The following ADAMTS12 variants were observed in gnomAD, a reference collection of about 807,000 sequenced individuals.
ADAMTS12 encodes A disintegrin and metalloproteinase with thrombospondin motifs 12.
A neutral mutation model predicts 167.8 loss-of-function variants in ADAMTS12; 118 were observed. That is an observed-to-expected ratio of 0.70 (90% CI 0.61 to 0.82). The LOEUF (loss-of-function observed/expected upper bound fraction) is 0.82, where lower values mean the gene tolerates loss of function less well. ADAMTS12 is among the 40% of genes least tolerant of loss of function. The pLI, the probability that ADAMTS12 is intolerant of heterozygous loss-of-function variation, is 0.00. For missense variants in ADAMTS12, 1,916 were observed against 1,998.8 expected, an observed-to-expected ratio of 0.96 and a Z score of 0.79; for synonymous variants, 704 against 716.9, an observed-to-expected ratio of 0.98 and a Z score of 0.29.
At chr5:33,579,946 G>A (rs543119993) in intron 18 of ADAMTS12, among the ~76,000 whole-genome samples, 2 of 152,338 alleles carry the variant, frequency 1.3e-5, no homozygotes, top group African/African-American at 2.4e-5. Context: ...GAGGTGTGAC[G>A]TGAGCAGCTG....
chr5:33,819,693 T>C (rs1579963038), intron 2 of ADAMTS12, among the ~76,000 whole-genome samples: 3 of 152,154 alleles, frequency 2.0e-5, no homozygotes, highest in Non-Finnish European at 4.4e-5. Flanking sequence ...GCATGGACAT[T>C]ATAAACGATC....
rs183782346 is a variant in ADAMTS12 at position 33,809,282 on chromosome 5, C to A, written c.490-57734G>T. ...GATTCTGGTGCTGCCGGTCCTTGGACCACAGTTTGAGTAGCAAGAGTTTAG... is the reference window on the plus strand; with the variant it reads ...GATTCTGGTGCTGCCGGTCCTTGGAACACAGTTTGAGTAGCAAGAGTTTAG... On this transcript the variant is annotated intron_variant, in intron 2 of 23. Transcript: ENST00000504830. Among the ~76,000 whole-genome samples the A allele has an allele frequency of 1.3e-4, 20 of 152,280 alleles. No individual in the cohort carries two copies. In the East Asian group the frequency reaches 3.9e-3, roughly 29 times the overall value.
chr5:33,583,748 A>G (rs1035293583), intron 18 of ADAMTS12, among the ~76,000 whole-genome samples: 3 of 152,176 alleles, frequency 2.0e-5, no homozygotes, highest in Non-Finnish European at 4.4e-5. Flanking sequence ...GATCAACGAT[A>G]TTGAGCACCT....
intron 2 of ADAMTS12, among the ~76,000 whole-genome samples, chr5:33,808,201 A>T (rs1432250000): frequency 2.0e-5 from 3 of 152,210 alleles, no homozygotes; most frequent in African/African-American, 7.2e-5. Context: ...ACACTAGTGC[A>T]GTTTTCTGAA....
chr5:33,617,786 C>T (rs1357167378), intron 14 of ADAMTS12, among the ~76,000 whole-genome samples: 2 of 148,854 alleles, frequency 1.3e-5, no homozygotes, highest in Non-Finnish European at 3.0e-5. Context: ...AAATAAAAAC[C>T]TAAATAGAAA....
At chr5:33,877,715 G>C (rs1299412365) in intron 2 of ADAMTS12, among the ~76,000 whole-genome samples, 3 of 152,098 alleles carry the variant, frequency 2.0e-5, no homozygotes, top group Non-Finnish European at 4.4e-5. Context: ...AGAGGACAAG[G>C]GCTGGAACCA....
chr5:33,854,570 G>A (rs1749334559), intron 2 of ADAMTS12, among the ~76,000 whole-genome samples: 1 of 152,144 alleles, frequency 6.6e-6, no homozygotes, highest in East Asian at 1.9e-4. Context: ...GCTGATTCAA[G>A]ACCCAGCAGA....
intron 1 of ADAMTS12, among the ~76,000 whole-genome samples, chr5:33,885,900 T>C (rs938245246): frequency 3.3e-5 from 5 of 152,194 alleles, no homozygotes; most frequent in African/African-American, 4.8e-5. Flanking sequence ...GGAGGCAGCC[T>C]TAAATGGCAG....
chr5:33,685,524 C>G (rs1347365396), intron 3 of ADAMTS12, among the ~76,000 whole-genome samples: 1 of 152,194 alleles, frequency 6.6e-6, no homozygotes, highest in African/African-American at 2.4e-5. Flanking sequence ...TCCTCAGTTT[C>G]TCTGTCCATA....
At chr5:33,595,881 T>TCAGA in intron 17 of ADAMTS12, 53 bp downstream of exon 17, 1 of 1,607,124 alleles carries the variant, frequency 6.2e-7, no homozygotes, top group African/African-American at 1.3e-5. Context: ...CACTCTTGAG[T>TCAGA]CAGACATCAC....
intron 5 of ADAMTS12, among the ~76,000 whole-genome samples, chr5:33,678,109 T>C: frequency 6.6e-6 from 1 of 152,150 alleles, no homozygotes; most frequent in East Asian, 1.9e-4. Flanking sequence ...AGAGACCCAA[T>C]CTCGGGATTC....
At chr5:33,734,381 A>G (rs1744295106) in intron 3 of ADAMTS12, among the ~76,000 whole-genome samples, 1 of 152,214 alleles carries the variant, frequency 6.6e-6, no homozygotes, top group Admixed American at 6.5e-5. Context: ...AAGTACCTGA[A>G]GAAGAGCAGT....
intron 22 of ADAMTS12, among the ~76,000 whole-genome samples, chr5:33,538,585 G>A (rs1744528216): frequency 6.6e-6 from 1 of 152,118 alleles, no homozygotes; most frequent in African/African-American, 2.4e-5. Flanking sequence ...TCCACCAAAG[G>A]GAGATAGGAG....
rs370865587 is a variant in ADAMTS12 at position 33,699,114 on chromosome 5, A to C, written c.635-15059T>G. 1.2e-4 allele frequency among the ~76,000 whole-genome samples: 19 copies of C among 152,260 alleles called. No homozygotes were observed. In the East Asian group the frequency reaches 3.5e-3, roughly 28 times the overall value. ...GGAGGTTGCAGTAAACTGAGATCACACCATTGTACTCCAGCCTGGGCAACA... is the reference window on the plus strand; with the variant it reads ...GGAGGTTGCAGTAAACTGAGATCACCCCATTGTACTCCAGCCTGGGCAACA... On this transcript the variant is annotated intron_variant, in intron 3 of 23. Coordinates refer to ENST00000504830, the MANE Select transcript of ADAMTS12 (RefSeq NM_030955.4).
At chr5:33,644,990 A>C (rs1316639720) in intron 9 of ADAMTS12, among the ~76,000 whole-genome samples, 1 of 152,008 alleles carries the variant, frequency 6.6e-6, no homozygotes, top group African/African-American at 2.4e-5. Context: ...TTGGCCTCCC[A>C]AAGTGCTGGG....
chr5:33,654,161 T>C (rs780711465), intron 7 of ADAMTS12, among the ~76,000 whole-genome samples: 1 of 152,192 alleles, frequency 6.6e-6, no homozygotes, highest in Non-Finnish European at 1.5e-5. Context: ...TTGACTCTTC[T>C]TCATGTCTTT....
chr5:33,696,231 C>T (rs1742758420), intron 3 of ADAMTS12, among the ~76,000 whole-genome samples: 1 of 151,924 alleles, frequency 6.6e-6, no homozygotes, highest in South Asian at 2.1e-4. Context: ...ACCATCCTGG[C>T]TAACACGGTG....
At chr5:33,644,026 G>C (rs1280664986) in intron 9 of ADAMTS12, among the ~76,000 whole-genome samples, 1 of 152,218 alleles carries the variant, frequency 6.6e-6, no homozygotes, top group African/African-American at 2.4e-5. Context: ...AAGGTTGGCA[G>C]GATTCTCAGA....
At chr5:33,794,405 T>C (rs1746694199) in intron 2 of ADAMTS12, among the ~76,000 whole-genome samples, 1 of 151,628 alleles carries the variant, frequency 6.6e-6, no homozygotes, top group Non-Finnish European at 1.5e-5. Flanking sequence ...GAGTGGAGAG[T>C]GGAGGTTGCG....
Sources: allele counts gnomAD v4.1 joint callset (sites outside exome capture counted in the v4.1 genomes callset), GRCh38; gene constraint gnomAD v4.1.1; transcripts MANE v1.5; gene names NCBI Gene and HGNC (gene_info 2026-07-23, HGNC 2026-07-21).